SH3RF1: variants seen among roughly 807,000 people sequenced by gnomAD.
The protein encoded by SH3RF1 is E3 ubiquitin-protein ligase SH3RF1.
In SH3RF1, 32 loss-of-function variants were observed where a neutral mutation model predicts 74.0. The observed-to-expected ratio is 0.43, with a 90% CI of 0.33 to 0.58. The LOEUF (loss-of-function observed/expected upper bound fraction) is 0.58. Among genes scored for constraint, SH3RF1 ranks in the 20% least tolerant of loss-of-function variants. The pLI, the probability that SH3RF1 is intolerant of heterozygous loss-of-function variation, is 0.05. For missense variants in SH3RF1, 954 were observed against 1,130.9 expected (o/e 0.84, Z 2.24); for synonymous variants, 396 against 439.6 (o/e 0.90, Z 1.24).
At chr4:169,166,483 G>T in intron 2 of SH3RF1, 1 of 188,912 alleles carries the variant, frequency 5.3e-6, no homozygotes, top group Admixed American at 4.9e-5. Context: ...TGTACAAGAG[G>T]AAGTACTCAG....
At chr4:169,212,794 C>T (rs942948748) in intron 2 of SH3RF1, among the ~76,000 whole-genome samples, 29 of 152,324 alleles carry the variant, frequency 1.9e-4, no homozygotes, top group Non-Finnish European at 3.4e-4. Flanking sequence ...CATGTATCCA[C>T]CATTACAGAA....
At chr4:169,140,818 T>G (rs1486845891) in intron 4 of SH3RF1, among the ~76,000 whole-genome samples, 1 of 152,148 alleles carries the variant, frequency 6.6e-6, no homozygotes, top group Non-Finnish European at 1.5e-5. Context: ...CTGTAGCTTC[T>G]GAGCACTACA....
At chr4:169,250,888 A>G (rs1731093567) in intron 2 of SH3RF1, among the ~76,000 whole-genome samples, 1 of 152,192 alleles carries the variant, frequency 6.6e-6, no homozygotes, top group South Asian at 2.1e-4. Context: ...GAAGGAAAGG[A>G]GCAAGCCATG....
intron 11 of SH3RF1, among the ~76,000 whole-genome samples, chr4:169,104,509 T>A (rs779854494): frequency 9.9e-5 from 15 of 152,204 alleles, no homozygotes; most frequent in Non-Finnish European, 1.8e-4. Flanking sequence ...ATTTCATTTG[T>A]AGGGAGAGAA....
At chr4:169,129,012 C>A (rs34342940) in intron 6 of SH3RF1, among the ~76,000 whole-genome samples, 14,766 of 152,152 alleles carry the variant, frequency 0.097, 924 homozygotes, top group South Asian at 0.17. Context: ...GGCAGAGTAC[C>A]TTTTCCATGG....
At chr4:169,208,519 T>C (rs1169105445) in intron 2 of SH3RF1, among the ~76,000 whole-genome samples, 1 of 152,154 alleles carries the variant, frequency 6.6e-6, no homozygotes, top group Non-Finnish European at 1.5e-5. Context: ...TATGATATAA[T>C]AATAAATAAT....
chr4:169,266,711 G>A lies in SH3RF1; in HGVS notation c.393+2109C>T, dbSNP rs545499752. 2.2e-3 allele frequency among the ~76,000 whole-genome samples: 331 copies of A among 152,184 alleles called. 1 individual carries two copies. The highest frequency in any genetic ancestry group is 4.0e-3 in the Non-Finnish European group (269 of 68,002). Reference sequence around the variant, plus strand: ...AACTCCTGGGCTCAAGTGATCCTCCGGCCCCAGCCTCTGGAGTAGCTAGGA... The same window carrying A: ...AACTCCTGGGCTCAAGTGATCCTCCAGCCCCAGCCTCTGGAGTAGCTAGGA... On this transcript the variant is annotated intron_variant, in intron 2 of 11. Coordinates refer to ENST00000284637, the MANE Select transcript of SH3RF1 (RefSeq NM_020870.4).
At chr4:169,265,337 G>A (rs1175040251) in intron 2 of SH3RF1, among the ~76,000 whole-genome samples, 3 of 152,158 alleles carry the variant, frequency 2.0e-5, no homozygotes, top group African/African-American at 7.2e-5. Context: ...AAATCAGGGG[G>A]TCTCATGTGA....
intron 5 of SH3RF1, among the ~76,000 whole-genome samples, chr4:169,132,006 T>G (rs1733628014): frequency 6.6e-6 from 1 of 152,262 alleles, no homozygotes; most frequent in African/African-American, 2.4e-5. Context: ...AGACTCGGTA[T>G]CCAGGGCCCT....
At chr4:169,227,841 C>G (rs1730675572) in intron 2 of SH3RF1, among the ~76,000 whole-genome samples, 1 of 152,160 alleles carries the variant, frequency 6.6e-6, no homozygotes, top group Non-Finnish European at 1.5e-5. Flanking sequence ...GAAGATGTAC[C>G]ATCCCTGGAC....
At chr4:169,160,983 A>G (rs1734141187) in intron 2 of SH3RF1, among the ~76,000 whole-genome samples, 2 of 152,200 alleles carry the variant, frequency 1.3e-5, no homozygotes, top group Admixed American at 6.5e-5. Context: ...GAGTCATGTC[A>G]TCACTGGGCC....
intron 7 of SH3RF1, 107 bp downstream of exon 7, chr4:169,121,993 C>A: frequency 6.9e-7 from 1 of 1,444,940 alleles, no homozygotes; most frequent in Non-Finnish European, 9.5e-7. Context: ...GCTTGGTGAG[C>A]CATAACGCTG....
At chr4:169,254,718 C>T (rs1216725042) in intron 2 of SH3RF1, among the ~76,000 whole-genome samples, 5 of 152,134 alleles carry the variant, frequency 3.3e-5, no homozygotes, top group African/African-American at 1.2e-4. Flanking sequence ...GCAGGAGGGT[C>T]CCATGACAGC....
At chr4:169,145,560 T>C (rs1372274921) in intron 4 of SH3RF1, among the ~76,000 whole-genome samples, 3 of 148,272 alleles carry the variant, frequency 2.0e-5, no homozygotes, top group Non-Finnish European at 4.5e-5. Context: ...CCCGAATCTG[T>C]AAAAATATAT....
At chr4:169,236,185 G>T (rs575621158) in intron 2 of SH3RF1, among the ~76,000 whole-genome samples, 3 of 152,220 alleles carry the variant, frequency 2.0e-5, no homozygotes, top group Non-Finnish European at 4.4e-5. Flanking sequence ...TGGCAGGACT[G>T]CCCTTTCCGA....
At chr4:169,235,767 C>T (rs1730814952) in intron 2 of SH3RF1, among the ~76,000 whole-genome samples, 1 of 152,060 alleles carries the variant, frequency 6.6e-6, no homozygotes, top group Non-Finnish European at 1.5e-5. Flanking sequence ...TCTTGGCTCA[C>T]TGCAACCTCC....
At chr4:169,236,031 G>A (rs549839142) in intron 2 of SH3RF1, among the ~76,000 whole-genome samples, 27 of 152,290 alleles carry the variant, frequency 1.8e-4, no homozygotes, top group African/African-American at 6.3e-4. Context: ...TGACAAAACT[G>A]TTCTGGACAA....
intron 4 of SH3RF1, among the ~76,000 whole-genome samples, chr4:169,144,299 C>CT (rs1282117477): frequency 6.6e-6 from 1 of 152,166 alleles, no homozygotes; most frequent in Non-Finnish European, 1.5e-5. Context: ...TGAAGCAAGA[C>CT]TTAATGATCT....
chr4:169,115,599 G>C (rs1282465025), intron 10 of SH3RF1, among the ~76,000 whole-genome samples: 1 of 152,100 alleles, frequency 6.6e-6, no homozygotes, highest in Non-Finnish European at 1.5e-5. Flanking sequence ...ATTATGGTGA[G>C]TTCTATAATG....
Sources: allele counts gnomAD v4.1 joint callset (sites outside exome capture counted in the v4.1 genomes callset), GRCh38; gene constraint gnomAD v4.1.1; transcripts MANE v1.5; gene names NCBI Gene and HGNC (gene_info 2026-07-23, HGNC 2026-07-21).